ATP8A2: variants seen among roughly 807,000 people sequenced by gnomAD.
ATP8A2 encodes the protein ATPase phospholipid transporting 8A2, also known as phospholipid-transporting ATPase IB.
A neutral mutation model predicts 165.6 loss-of-function variants in ATP8A2; 100 were observed. The ratio of observed to expected loss-of-function variants is 0.60; its 90% CI spans 0.51 to 0.71. The LOEUF is 0.71. Ranked by LOEUF, ATP8A2 falls within the 30% of genes least tolerant of loss-of-function variation. The pLI is 0.00. For synonymous variants in ATP8A2, 543 were observed against 548.8 expected, an observed-to-expected ratio of 0.99 and a Z score of 0.15; for missense variants, 1,227 against 1,479.5, an observed-to-expected ratio of 0.83 and a Z score of 2.80.
In ATP8A2 at chr13:25,804,147, C is replaced by T. The variant is rs867986783; in HGVS notation, c.2680-23971C>T. ...GGCAAAGCATTTTGTTTCAACTTTG[C>T]CTTTTCGTTTTTTCCAGTATGTATA... On this transcript the variant is annotated intron_variant, in intron 27 of 36. Transcript: ENST00000381655. Among the ~76,000 whole-genome samples the T allele has an allele frequency of 2.6e-5, 4 of 152,224 alleles. 1 individual carries two copies. The highest frequency in any genetic ancestry group is 3.4e-3 in the Middle Eastern group (1 of 294).
intron 1 of ATP8A2, among the ~76,000 whole-genome samples, chr13:25,456,845 C>G (rs2035376248): frequency 6.6e-6 from 1 of 152,178 alleles, no homozygotes; most frequent in Admixed American, 6.5e-5. Context: ...CCTTGACTTA[C>G]TGAATTCTTA....
At chr13:25,483,119 A>G (rs1056973604) in intron 2 of ATP8A2, among the ~76,000 whole-genome samples, 8 of 152,230 alleles carry the variant, frequency 5.3e-5, no homozygotes, top group Non-Finnish European at 1.2e-4. Context: ...TAGAATAAGC[A>G]TATGAGGCTG....
At chr13:25,719,266 T>C (rs1424324279) in intron 25 of ATP8A2, among the ~76,000 whole-genome samples, 3 of 149,764 alleles carry the variant, frequency 2.0e-5, no homozygotes, top group Non-Finnish European at 4.4e-5. Context: ...CTTGTTTTAA[T>C]TGATTGATTC....
chr13:25,864,282 A>G (rs1282779996), intron 33 of ATP8A2, among the ~76,000 whole-genome samples: 1 of 151,972 alleles, frequency 6.6e-6, no homozygotes, highest in Admixed American at 6.6e-5. Context: ...TGACAGACAA[A>G]GCCCATTCCT....
intron 27 of ATP8A2, among the ~76,000 whole-genome samples, chr13:25,821,536 A>C (rs529193462): frequency 2.0e-5 from 3 of 152,312 alleles, no homozygotes; most frequent in South Asian, 2.1e-4. Flanking sequence ...AAGCTTTCTA[A>C]ACCCAAGCTC....
chr13:25,693,496 C>T (rs143240383), intron 24 of ATP8A2, among the ~76,000 whole-genome samples: 448 of 152,146 alleles, frequency 2.9e-3, no homozygotes, highest in Non-Finnish European at 4.4e-3. Flanking sequence ...GGATTTCAAT[C>T]CCAGAGGCAA....
chr13:25,480,920 G>T (rs985657391), intron 2 of ATP8A2, among the ~76,000 whole-genome samples: 1 of 152,136 alleles, frequency 6.6e-6, no homozygotes, highest in Admixed American at 6.5e-5. Flanking sequence ...TCCGGAGGCC[G>T]AGGCTGGTGG....
chr13:25,391,586 A>G (rs577593678), intron 1 of ATP8A2, among the ~76,000 whole-genome samples: 2 of 152,330 alleles, frequency 1.3e-5, no homozygotes, highest in South Asian at 4.1e-4. Context: ...TTTACTCTCC[A>G]TGTGTGTCCT....
intron 1 of ATP8A2, among the ~76,000 whole-genome samples, chr13:25,416,244 C>T (rs1013551961): frequency 6.6e-6 from 1 of 152,168 alleles, no homozygotes; most frequent in Admixed American, 6.5e-5. Context: ...ACTGTTTCTA[C>T]TATAGAAAAT....
chr13:25,875,626 A>G (rs1468257356), intron 33 of ATP8A2, among the ~76,000 whole-genome samples: 1 of 151,646 alleles, frequency 6.6e-6, no homozygotes, highest in East Asian at 1.9e-4. Context: ...AAGTGTGTGC[A>G]AAAAGTCAGT....
chr13:25,877,450 G>C (rs1319732245), intron 33 of ATP8A2, among the ~76,000 whole-genome samples: 2 of 152,120 alleles, frequency 1.3e-5, no homozygotes, highest in African/African-American at 4.8e-5. Context: ...TGTATTTTTT[G>C]TGACTTCTCC....
rs150316075 is a variant in ATP8A2 at position 25,547,156 on chromosome 13, T to G, written c.891+3754T>G. Among the ~76,000 whole-genome samples, 1,105 of 150,988 alleles carry G rather than the reference T, an allele frequency of 7.3e-3. 25 individuals carry two copies. The highest frequency in any genetic ancestry group is 0.032 in the Admixed American group (490 of 15,162). On this transcript the variant is annotated intron_variant, in intron 10 of 36. Coordinates refer to ENST00000381655, the MANE Select transcript of ATP8A2 (RefSeq NM_016529.6). ...AAATAAATAAATAAATAAATAAAAA[T>G]AAAAAATAAACAAATAAAATAAACA...
intron 24 of ATP8A2, among the ~76,000 whole-genome samples, chr13:25,644,689 T>G (rs2137589287): frequency 6.6e-6 from 1 of 152,306 alleles, no homozygotes; most frequent in South Asian, 2.1e-4. Flanking sequence ...CCTTGGGATT[T>G]TCTTTAATAG....
chr13:25,746,037 G>T (rs1194268080), intron 25 of ATP8A2, among the ~76,000 whole-genome samples: 2 of 152,224 alleles, frequency 1.3e-5, no homozygotes, highest in African/African-American at 4.8e-5. Flanking sequence ...TTGATCTGCA[G>T]TGAGCCTCTG....
intron 2 of ATP8A2, among the ~76,000 whole-genome samples, chr13:25,513,380 T>C (rs369176754): frequency 2.7e-5 from 4 of 147,660 alleles, no homozygotes; most frequent in South Asian, 4.4e-4. Flanking sequence ...CAGAGACGCT[T>C]CTCACTTCCT....
At chr13:25,499,485 G>C (rs959098001) in intron 2 of ATP8A2, among the ~76,000 whole-genome samples, 7 of 152,180 alleles carry the variant, frequency 4.6e-5, no homozygotes, top group African/African-American at 1.7e-4. Context: ...CTAGCTATGT[G>C]AGCCTGGGCC....
rs540423434 is a variant in ATP8A2 at position 25,807,527 on chromosome 13, T to A, written c.2680-20591T>A. On this transcript the variant is annotated intron_variant, in intron 27 of 36. Transcript: ENST00000381655. Reference sequence around the variant, plus strand: ...GGATTTATTCCTGGACTCTCAGTTCTATCCCATTTATTTATACATCTATCT... The same window carrying A: ...GGATTTATTCCTGGACTCTCAGTTCAATCCCATTTATTTATACATCTATCT... Among the ~76,000 whole-genome samples the A allele has an allele frequency of 2.0e-4, 31 of 152,342 alleles. No individual in the cohort carries two copies. The South Asian group carries it at 6.2e-3, about 31-fold the overall frequency.
At chr13:25,894,357 T>C (rs569131333) in intron 33 of ATP8A2, among the ~76,000 whole-genome samples, 1 of 152,348 alleles carries the variant, frequency 6.6e-6, no homozygotes, top group Admixed American at 6.5e-5. Flanking sequence ...TATGCAGCAT[T>C]ATTTCTGAGG....
At chr13:25,630,849 T>C (rs1293426255) in intron 24 of ATP8A2, among the ~76,000 whole-genome samples, 1 of 152,078 alleles carries the variant, frequency 6.6e-6, no homozygotes, top group Non-Finnish European at 1.5e-5. Context: ...AAAAAAATCC[T>C]TAGGGTCCGC....
Sources: gnomAD v4.1 joint callset for allele counts (sites outside exome capture counted in the v4.1 genomes callset) on GRCh38, gnomAD v4.1.1 for gene constraint, MANE v1.5 for transcripts, NCBI Gene and HGNC (gene_info 2026-07-23, HGNC 2026-07-21) for gene names.